Variants in ABCA5 observed in about 807,000 individuals in gnomAD.
ABCA5 encodes ATP binding cassette subfamily A member 5.
A neutral mutation model predicts 206.0 loss-of-function variants in ABCA5; 163 were observed. The observed-to-expected ratio is 0.79, with a 90% CI of 0.70 to 0.90. The LOEUF is 0.90. ABCA5 is among the 40% of genes least tolerant of loss of function. The pLI is 0.00. For missense variants in ABCA5, 1,859 were observed against 1,912.9 expected (o/e 0.97, Z 0.53); for synonymous variants, 609 against 613.8 (o/e 0.99, Z 0.11).
At chr17:69,308,142 T>G in intron 5 of ABCA5, 138 bp downstream of exon 5, 1 of 405,080 alleles carries the variant, frequency 2.5e-6, no homozygotes, top group Non-Finnish European at 4.3e-6. Flanking sequence ...CTTTTTTATC[T>G]TTTTTCTCAA....
At chr17:69,290,110 C>A in intron 12 of ABCA5, 73 bp from the exon 13 acceptor site, 2 of 1,106,894 alleles carry the variant, frequency 1.8e-6, no homozygotes, top group Non-Finnish European at 2.5e-6. Flanking sequence ...ATCCTGATAA[C>A]TTAGTTATTT....
chr17:69,271,073 G>A, intron 21 of ABCA5, 89 bp downstream of exon 21: 1 of 1,454,758 alleles, frequency 6.9e-7, no homozygotes, highest in Non-Finnish European at 9.1e-7. Context: ...TAACTCATAA[G>A]GTCAAATCAA....
chr17:69,310,600 C>G (rs1024216755), intron 3 of ABCA5, among the ~76,000 whole-genome samples: 1 of 152,092 alleles, frequency 6.6e-6, no homozygotes, highest in Admixed American at 6.6e-5. Context: ...ATTGCTTGTT[C>G]CTTTCTTAGA....
intron 12 of ABCA5, among the ~76,000 whole-genome samples, chr17:69,290,913 CTGATT>C (rs1374266551): frequency 6.6e-6 from 1 of 151,964 alleles, no homozygotes; most frequent in Non-Finnish European, 1.5e-5. Context: ...GTCTATAGTT[CTGATT>C]TAATTTCCAA....
intron 21 of ABCA5, among the ~76,000 whole-genome samples, 195 bp downstream of exon 21, chr17:69,270,967 A>G (rs2075266828): frequency 6.6e-6 from 1 of 152,212 alleles, no homozygotes; most frequent in Non-Finnish European, 1.5e-5. Flanking sequence ...TTAAAAAACT[A>G]AATTTCTGTA....
chr17:69,283,027 C>T (rs1181418081), intron 18 of ABCA5, among the ~76,000 whole-genome samples: 1 of 146,056 alleles, frequency 6.8e-6, no homozygotes, highest in African/African-American at 2.6e-5. Flanking sequence ...CCTTCTGATG[C>T]CCAGGCTAGA....
chr17:69,261,598 G>A (rs1275410369), intron 25 of ABCA5, 37 bp downstream of exon 25: 3 of 930,352 alleles, frequency 3.2e-6, no homozygotes, highest in African/African-American at 3.4e-5. Flanking sequence ...TAATTAAACT[G>A]CTATGGAAAG....
In ABCA5 at chr17:69,248,322, T is replaced by TA; in HGVS notation, c.4766-6dup. The TA allele has an allele frequency of 6.6e-7, 1 of 1,523,162 alleles. No individual in the cohort carries two copies. Among genetic ancestry groups the TA allele is most frequent in the Non-Finnish European group, 9.0e-7 (1 of 1,112,518 alleles). 94.4% of individuals were successfully genotyped at this position (1,523,162 alleles called of 1,614,324 possible). A position where few individuals can be genotyped will look rare whatever the true frequency, so the allele number is the denominator to read the frequency against. On this transcript the variant is annotated splice_polypyrimidine_tract_variant and splice_region_variant and intron_variant, in intron 37 of 38. Coordinates refer to ENST00000392676, the MANE Select transcript of ABCA5 (RefSeq NM_172232.4). Reference sequence around the variant, plus strand: ...CAATGGCAAAAGCATGTTTAGCTATTAAAATATAAAAATAGTATTTTACTT... The same window carrying TA: ...CAATGGCAAAAGCATGTTTAGCTATTAAAAATATAAAAATAGTATTTTACTT...
chr17:69,255,098 C>G (rs2075059233), intron 31 of ABCA5, among the ~76,000 whole-genome samples: 1 of 152,054 alleles, frequency 6.6e-6, no homozygotes, highest in Admixed American at 6.6e-5. Context: ...TCCAGGAAAG[C>G]AATGAGTTAG....
intron 10 of ABCA5, among the ~76,000 whole-genome samples, chr17:69,295,700 T>C (rs1035394247): frequency 2.0e-5 from 3 of 152,210 alleles, no homozygotes; most frequent in Non-Finnish European, 2.9e-5. Flanking sequence ...TAACTTACTA[T>C]AATCTGTGTA....
At chr17:69,302,690 G>C in intron 8 of ABCA5, 28 bp downstream of exon 8, 1 of 1,390,434 alleles carries the variant, frequency 7.2e-7, no homozygotes, top group Non-Finnish European at 9.4e-7. Context: ...AAAATATTTA[G>C]TGAATGCAAG....
At chr17:69,282,634 TGGTGGGCGCCTGTAATCCCA>T (rs146336507) in intron 18 of ABCA5, among the ~76,000 whole-genome samples, 15,444 of 151,728 alleles carry the variant, frequency 0.1, 840 homozygotes, top group Non-Finnish European at 0.11. Flanking sequence ...CTGGGCGTGG[TGGTGGGCGCCTGTAATCCCA>T]GCTGTTTGGG....
chr17:69,312,406 T>TAA (rs1567782819), intron 3 of ABCA5, among the ~76,000 whole-genome samples: 1 of 152,092 alleles, frequency 6.6e-6, no homozygotes, highest in African/African-American at 2.4e-5. Flanking sequence ...CTACAAAAAA[T>TAA]ATATATATAA....
chr17:69,263,498 T>C (rs1396765498), intron 24 of ABCA5, among the ~76,000 whole-genome samples: 2 of 152,074 alleles, frequency 1.3e-5, no homozygotes. Flanking sequence ...CCTTTCCTAT[T>C]GCTTATTTTT....
chr17:69,250,495 GA>G lies in ABCA5; in HGVS notation c.4661del (p.Phe1554SerfsTer57). On this transcript the variant is annotated frameshift_variant, in exon 36 of 39. Transcript: ENST00000392676. LOFTEE classifies it high-confidence loss of function. ...DRLQREIQYI[F>X]PNASRQESFS... ...ACCTTTCCTGACGGCTTGCATTTGG[GA>G]AAATATACTGAATTTCTCTTTGAAG... is the stretch of plus-strand genomic sequence containing the variant. 6.2e-7 allele frequency: 1 copy of G among 1,607,214 alleles called. No homozygotes were observed. The highest frequency in any genetic ancestry group is 1.1e-5 in the South Asian group (1 of 89,638).
intron 28 of ABCA5, among the ~76,000 whole-genome samples, chr17:69,259,031 T>C (rs2075115970): frequency 1.3e-5 from 2 of 152,056 alleles, no homozygotes; most frequent in Non-Finnish European, 2.9e-5. Flanking sequence ...ATTACCACTT[T>C]AGAAACAGTC....
chr17:69,290,199 G>A lies in ABCA5; in HGVS notation c.1607-162C>T, dbSNP rs183033172. On this transcript the variant is annotated intron_variant, in intron 12 of 38. Coordinates refer to ENST00000392676, the MANE Select transcript of ABCA5 (RefSeq NM_172232.4). ...CACCCTTCAATATTATTGGTGATCC[G>A]CATCCACTTATATTTCAATCTCATT... Among the ~76,000 whole-genome samples the A allele has an allele frequency of 2.8e-4, 42 of 152,170 alleles. No individual in the cohort carries two copies. In the East Asian group the frequency reaches 3.3e-3, roughly 12 times the overall value.
At chr17:69,301,074 C>A in intron 9 of ABCA5, 65 bp downstream of exon 9, 1 of 1,377,694 alleles carries the variant, frequency 7.3e-7, no homozygotes, top group Non-Finnish European at 9.6e-7. Context: ...TAAAATTAAG[C>A]TGACCCTATG....
At chr17:69,321,058 C>G (rs1450462659) in intron 1 of ABCA5, among the ~76,000 whole-genome samples, 1 of 152,152 alleles carries the variant, frequency 6.6e-6, no homozygotes, top group Non-Finnish European at 1.5e-5. Flanking sequence ...AAAGGCCCCT[C>G]TCTTCACCAC....
Sources: allele counts gnomAD v4.1 joint callset (sites outside exome capture counted in the v4.1 genomes callset), GRCh38; gene constraint gnomAD v4.1.1; transcripts MANE v1.5; gene names NCBI Gene and HGNC (gene_info 2026-07-23, HGNC 2026-07-21).